DNAJC15: variants seen among roughly 807,000 people sequenced by gnomAD.
DNAJC15 encodes the protein dnaJ homolog subfamily C member 15.
DNAJC15 carries 27 observed loss-of-function variants against 22.4 expected under a neutral mutation model. The ratio of observed to expected loss-of-function variants is 1.20; its 90% CI spans 0.89 to 1.66. DNAJC15 has a LOEUF of 1.66. Ranked by LOEUF, DNAJC15 falls within the 40% of genes most tolerant of loss-of-function variation. The pLI is 0.00. For missense variants in DNAJC15, 208 were observed against 187.1 expected, an observed-to-expected ratio of 1.11 and a Z score of -0.65; for synonymous variants, 79 against 63.2, an observed-to-expected ratio of 1.25 and a Z score of -1.19.
At chr13:43,088,848 T>G (rs1034685967) in intron 5 of DNAJC15, among the ~76,000 whole-genome samples, 1 of 152,012 alleles carries the variant, frequency 6.6e-6, no homozygotes, top group African/African-American at 2.4e-5. Flanking sequence ...GGTTTTTTTT[T>G]TTTTTTGATA....
At chr13:43,055,588 A>G (rs927532799) in intron 1 of DNAJC15, among the ~76,000 whole-genome samples, 1 of 152,136 alleles carries the variant, frequency 6.6e-6, no homozygotes, top group Non-Finnish European at 1.5e-5. Flanking sequence ...CTCCCGTTTC[A>G]TTTCTAATTT....
chr13:43,035,693 T>A (rs1442389550), intron 1 of DNAJC15, among the ~76,000 whole-genome samples: 3 of 152,202 alleles, frequency 2.0e-5, no homozygotes, highest in Non-Finnish European at 2.9e-5. Flanking sequence ...AGTAACTTTT[T>A]TCAAAGTACC....
At chr13:43,078,861 A>G in intron 4 of DNAJC15, 173 bp downstream of exon 4, 1 of 456,222 alleles carries the variant, frequency 2.2e-6, no homozygotes, top group Non-Finnish European at 3.8e-6. Flanking sequence ...CCACTCCCCT[A>G]AAAAAACAAA....
intron 1 of DNAJC15, among the ~76,000 whole-genome samples, chr13:43,047,445 G>A (rs1021534791): frequency 6.6e-6 from 1 of 152,000 alleles, no homozygotes; most frequent in East Asian, 2.0e-4. Context: ...GATTTCCCAG[G>A]AGTAAAGCAG....
chr13:43,078,096 G>A (rs1593324140), intron 3 of DNAJC15, among the ~76,000 whole-genome samples: 1 of 151,980 alleles, frequency 6.6e-6, no homozygotes, highest in Non-Finnish European at 1.5e-5. Context: ...ATTATATCTC[G>A]AGTCCTCCTT....
At chr13:43,085,638 G>T in intron 4 of DNAJC15, 130 bp from the exon 5 acceptor site, 1 of 641,914 alleles carries the variant, frequency 1.6e-6, no homozygotes, top group Non-Finnish European at 2.6e-6. Flanking sequence ...GTGGAAAGCT[G>T]TAGTTTCATA....
intron 1 of DNAJC15, among the ~76,000 whole-genome samples, chr13:43,043,022 T>C (rs1399292527): frequency 6.6e-6 from 1 of 152,226 alleles, no homozygotes; most frequent in Non-Finnish European, 1.5e-5. Context: ...CTCTCCAGGC[T>C]GTCAGGAAGG....
intron 5 of DNAJC15, among the ~76,000 whole-genome samples, chr13:43,091,257 G>A (rs543845243): frequency 5.4e-4 from 82 of 152,058 alleles, no homozygotes; most frequent in African/African-American, 1.9e-3. Flanking sequence ...GCTAATTTTT[G>A]TAGATTACTT....
intron 5 of DNAJC15, among the ~76,000 whole-genome samples, chr13:43,103,665 T>C (rs922342436): frequency 2.0e-5 from 3 of 152,252 alleles, no homozygotes; most frequent in African/African-American, 7.2e-5. Context: ...ATCAAGTTTG[T>C]TGATGTTATT....
At chr13:43,035,143 T>G (rs2040423628) in intron 1 of DNAJC15, among the ~76,000 whole-genome samples, 1 of 152,178 alleles carries the variant, frequency 6.6e-6, no homozygotes, top group African/African-American at 2.4e-5. Context: ...CCCTGAAGCT[T>G]CAGTAAAGCG....
intron 4 of DNAJC15, among the ~76,000 whole-genome samples, chr13:43,080,629 A>G (rs984777720): frequency 3.3e-5 from 5 of 152,330 alleles, no homozygotes; most frequent in African/African-American, 1.2e-4. Flanking sequence ...ATCTTGGTCA[A>G]GCTTTTTTGT....
At chr13:43,047,821 G>T (rs1296822059) in intron 1 of DNAJC15, among the ~76,000 whole-genome samples, 1 of 152,148 alleles carries the variant, frequency 6.6e-6, no homozygotes, top group Non-Finnish European at 1.5e-5. Flanking sequence ...TTTAGTACGA[G>T]CCATGAGGAA....
At chr13:43,050,838 T>C (rs955406432) in intron 1 of DNAJC15, among the ~76,000 whole-genome samples, 4 of 152,228 alleles carry the variant, frequency 2.6e-5, no homozygotes, top group African/African-American at 4.8e-5. Context: ...GGTTTTTGAT[T>C]AGCTGTGCTG....
intron 5 of DNAJC15, among the ~76,000 whole-genome samples, chr13:43,091,560 C>T (rs1480221297): frequency 4.6e-5 from 7 of 152,114 alleles, no homozygotes; most frequent in African/African-American, 1.2e-4. Flanking sequence ...TTTGTAATTG[C>T]ATTGTTAAGC....
At chr13:43,037,226 G>T (rs910554092) in intron 1 of DNAJC15, among the ~76,000 whole-genome samples, 1 of 152,250 alleles carries the variant, frequency 6.6e-6, no homozygotes, top group Non-Finnish European at 1.5e-5. Context: ...CATTAAAGGG[G>T]ATGATTTCCC....
chr13:43,038,547 C>T (rs1017149391), intron 1 of DNAJC15, among the ~76,000 whole-genome samples: 2 of 152,176 alleles, frequency 1.3e-5, no homozygotes, highest in African/African-American at 2.4e-5. Flanking sequence ...AATCCCAGCA[C>T]TTTGGGAGGC....
Position 43,111,724 on chromosome 13 carries a change from C to T in DNAJC15, c.*4476C>T, listed in dbSNP as rs1284858760. Reference sequence around the variant, plus strand: ...CCATGCTGTCCTCGGGCACCCTGCACCTCGCCCAACAGTCATCAACTAGAT... The same window carrying T: ...CCATGCTGTCCTCGGGCACCCTGCATCTCGCCCAACAGTCATCAACTAGAT... On this transcript the variant is annotated 3_prime_UTR_variant, in exon 6 of 6. Coordinates refer to ENST00000379221, the MANE Select transcript of DNAJC15 (RefSeq NM_013238.3). 6.6e-6 allele frequency: 1 copy of T among 152,194 alleles called. No individual in the cohort carries two copies. The highest frequency in any genetic ancestry group is 1.5e-5 in the Non-Finnish European group (1 of 68,072). 9.4% of individuals were successfully genotyped at this position (152,194 alleles called of 1,614,324 possible). A position where few individuals can be genotyped will look rare whatever the true frequency, so the allele number is the denominator to read the frequency against.
At chr13:43,089,270 A>G (rs1414102776) in intron 5 of DNAJC15, among the ~76,000 whole-genome samples, 2 of 152,230 alleles carry the variant, frequency 1.3e-5, no homozygotes, top group Non-Finnish European at 2.9e-5. Flanking sequence ...TGTGCCAGGC[A>G]TTGTGCTAAA....
At position 43,023,596 on chromosome 13, in the gene DNAJC15, G is replaced by C. The variant is rs1015247841; in HGVS notation, c.-31G>C. The C allele has an allele frequency of 1.4e-5, 22 of 1,589,298 alleles. No individual in the cohort carries two copies. The highest frequency in any genetic ancestry group is 1.8e-5 in the Non-Finnish European group (21 of 1,166,198). On this transcript the variant is annotated 5_prime_UTR_variant, in exon 1 of 6. Coordinates refer to ENST00000379221, the MANE Select transcript of DNAJC15 (RefSeq NM_013238.3). ...CTACGGCCGCCTCGTAGTCACTGCC[G>C]CGGCGCCTTGAGTCTCCGGGCCGCC...
Sources: gnomAD v4.1 joint callset for allele counts (sites outside exome capture counted in the v4.1 genomes callset) on GRCh38, gnomAD v4.1.1 for gene constraint, MANE v1.5 for transcripts, NCBI Gene and HGNC (gene_info 2026-07-23, HGNC 2026-07-21) for gene names.